PDS5B: variants seen among roughly 807,000 people sequenced by gnomAD.
The protein encoded by PDS5B is PDS5 cohesin associated factor B, also known as sister chromatid cohesion protein PDS5 homolog B.
A neutral mutation model predicts 184.1 loss-of-function variants in PDS5B; 51 were observed. That is an observed-to-expected ratio of 0.28 (90% CI 0.22 to 0.35). The LOEUF is 0.35. Ranked by LOEUF, PDS5B falls within the 10% of genes least tolerant of loss-of-function variation. PDS5B has a pLI of 1.00. For missense variants in PDS5B, 1,180 were observed against 1,723.3 expected, an observed-to-expected ratio of 0.68 and a Z score of 5.58; for synonymous variants, 566 against 569.2, an observed-to-expected ratio of 0.99 and a Z score of 0.08.
At chr13:32,728,544 C>T (rs1056925656) in intron 19 of PDS5B, among the ~76,000 whole-genome samples, 3 of 152,166 alleles carry the variant, frequency 2.0e-5, no homozygotes, top group African/African-American at 4.8e-5. Context: ...CCCTTTGTAA[C>T]TCCTTCCTTT....
chr13:32,637,490 C>T (rs2058583346), intron 1 of PDS5B, among the ~76,000 whole-genome samples: 1 of 152,004 alleles, frequency 6.6e-6, no homozygotes, highest in African/African-American at 2.4e-5. Flanking sequence ...TTTGAGAATA[C>T]CCAAGTGGAA....
At chr13:32,764,125 A>G (rs1389108743) in intron 30 of PDS5B, among the ~76,000 whole-genome samples, 1 of 152,006 alleles carries the variant, frequency 6.6e-6, no homozygotes, top group African/African-American at 2.4e-5. Flanking sequence ...GTTAAATGCT[A>G]CAGAGAGAAG....
At chr13:32,593,122 C>T (rs1440270768) in intron 1 of PDS5B, among the ~76,000 whole-genome samples, 1 of 152,012 alleles carries the variant, frequency 6.6e-6, no homozygotes, top group Non-Finnish European at 1.5e-5. Context: ...AGAGCCATTA[C>T]GGAGAATATT....
intron 30 of PDS5B, among the ~76,000 whole-genome samples, chr13:32,761,543 C>T (rs1175100736): frequency 1.3e-5 from 2 of 152,110 alleles, no homozygotes; most frequent in African/African-American, 2.4e-5. Flanking sequence ...GATGTTCCCT[C>T]CCATTTATAA....
chr13:32,604,631 T>C (rs1406659707), intron 1 of PDS5B, among the ~76,000 whole-genome samples: 3 of 152,264 alleles, frequency 2.0e-5, no homozygotes, highest in African/African-American at 7.2e-5. Flanking sequence ...TTGATTGGAA[T>C]AGTTTCAGAA....
chr13:32,651,757 A>G, intron 2 of PDS5B, 47 bp from the exon 3 acceptor site: 1 of 1,119,198 alleles, frequency 8.9e-7, no homozygotes, highest in Non-Finnish European at 1.3e-6. Flanking sequence ...ACATGACTGT[A>G]GTTTTACATG....
chr13:32,740,500 G>T (rs1286928435), intron 21 of PDS5B, among the ~76,000 whole-genome samples: 1 of 152,094 alleles, frequency 6.6e-6, no homozygotes, highest in Non-Finnish European at 1.5e-5. Flanking sequence ...TTCAATTCCT[G>T]TTCTTTGACC....
At chr13:32,766,068 A>T (rs180836066) in intron 31 of PDS5B, among the ~76,000 whole-genome samples, 3 of 152,334 alleles carry the variant, frequency 2.0e-5, no homozygotes, top group African/African-American at 7.2e-5. Flanking sequence ...TGAATTGGAA[A>T]AGGTATTATG....
Position 32,654,226 on chromosome 13 carries a change from G to A in PDS5B, c.312+2219G>A, listed in dbSNP as rs943063057. 1.2e-4 allele frequency among the ~76,000 whole-genome samples: 18 copies of A among 152,066 alleles called. 1 individual carries two copies. Among genetic ancestry groups the A allele is most frequent in the African/African-American group, 3.9e-4 (16 of 41,416 alleles). On this transcript the variant is annotated intron_variant, in intron 3 of 34. Coordinates refer to ENST00000315596, the MANE Select transcript of PDS5B (RefSeq NM_015032.4). ...CTTCGTCTTGATTAGCGGCAAATTC[G>A]TATATCTGTATGTCTATATATTTTG...
intron 26 of PDS5B, among the ~76,000 whole-genome samples, 168 bp from the exon 27 acceptor site, chr13:32,757,919 G>A (rs1299097251): frequency 6.7e-6 from 1 of 149,156 alleles, no homozygotes. Flanking sequence ...TTATATGTTT[G>A]TATGACATAT....
chr13:32,664,115 T>A (rs964597662), intron 6 of PDS5B, among the ~76,000 whole-genome samples: 8 of 152,216 alleles, frequency 5.3e-5, no homozygotes, highest in African/African-American at 1.9e-4. Context: ...TATCCACTCA[T>A]CAGTCAGTGG....
At chr13:32,726,520 T>G (rs933417456) in intron 19 of PDS5B, among the ~76,000 whole-genome samples, 13 of 152,208 alleles carry the variant, frequency 8.5e-5, no homozygotes, top group Admixed American at 2.6e-4. Flanking sequence ...TCCATAATGG[T>G]TACACCACTT....
rs1377074423 is a variant in PDS5B at position 32,694,175 on chromosome 13, AT to A, written c.1470-43del. 9.4e-6 allele frequency: 12 copies of A among 1,278,818 alleles called. No individual in the cohort carries two copies. In the African/African-American group the frequency reaches 1.5e-4, roughly 16 times the overall value. 79.2% of individuals were successfully genotyped at this position (1,278,818 alleles called of 1,614,324 possible). A position where few individuals can be genotyped will look rare whatever the true frequency, so the allele number is the denominator to read the frequency against. ...TATATAGTAGTAATATTCTAGAAAG[AT>A]TTTTATTCTGTTTTGTTATTTAAAT... On this transcript the variant is annotated intron_variant, in intron 13 of 34. Coordinates refer to ENST00000315596, the MANE Select transcript of PDS5B (RefSeq NM_015032.4).
intron 1 of PDS5B, among the ~76,000 whole-genome samples, chr13:32,639,833 A>G (rs2058627025): frequency 1.3e-5 from 2 of 152,214 alleles, no homozygotes; most frequent in African/African-American, 4.8e-5. Flanking sequence ...CCAGAAGGAA[A>G]AACAGCTTTA....
rs767750526 is a variant in PDS5B at position 32,775,000 on chromosome 13, G to T, written c.4309-17G>T. On this transcript the variant is annotated splice_polypyrimidine_tract_variant and intron_variant, in intron 34 of 34. Transcript: ENST00000315596. ...TATACCCATTTTAATTAAGCATCTG[G>T]TGACTTTCCTTTTAAGGTACGGCGG... 4.2e-5 allele frequency: 68 copies of T among 1,610,698 alleles called. No homozygotes were observed. Among genetic ancestry groups the T allele is most frequent in the Non-Finnish European group, 5.5e-5 (65 of 1,177,474 alleles).
chr13:32,652,036 T>TCTG, intron 3 of PDS5B, 29 bp downstream of exon 3: 1 of 1,403,790 alleles, frequency 7.1e-7, no homozygotes, highest in Non-Finnish European at 1.0e-6. Flanking sequence ...AACTCCAAGA[T>TCTG]TGACCGATAC....
chr13:32,732,490 A>G (rs117528740), intron 20 of PDS5B, among the ~76,000 whole-genome samples: 4,269 of 152,222 alleles, frequency 0.028, 80 homozygotes, highest in Middle Eastern at 0.044. Context: ...ATTTTTTGTT[A>G]ACAGGTAATT....
intron 7 of PDS5B, among the ~76,000 whole-genome samples, 188 bp downstream of exon 7, chr13:32,668,032 G>T (rs1445852369): frequency 3.9e-5 from 6 of 152,044 alleles, no homozygotes; most frequent in Non-Finnish European, 8.8e-5. Context: ...TGGAAGGCTT[G>T]CTCTCATCCT....
chr13:32,628,220 A>G (rs2058398791), intron 1 of PDS5B, among the ~76,000 whole-genome samples: 1 of 152,186 alleles, frequency 6.6e-6, no homozygotes, highest in Non-Finnish European at 1.5e-5. Context: ...CCCAAGCTCA[A>G]ATCATTTCTA....
Sources: gnomAD v4.1 joint callset for allele counts (sites outside exome capture counted in the v4.1 genomes callset) on GRCh38, gnomAD v4.1.1 for gene constraint, MANE v1.5 for transcripts, NCBI Gene and HGNC (gene_info 2026-07-23, HGNC 2026-07-21) for gene names.